CNNM3: variants seen among roughly 807,000 people sequenced by gnomAD.
CNNM3 encodes cyclin and CBS domain divalent metal cation transport mediator 3.
Under a neutral mutation model 57.1 loss-of-function variants are expected in CNNM3, and 47 were observed. The observed-to-expected ratio is 0.82, with a 90% CI of 0.65 to 1.05. The LOEUF (loss-of-function observed/expected upper bound fraction) is 1.05. Among genes scored for constraint, CNNM3 ranks in the 50% least tolerant of loss-of-function variants. The pLI is 0.00. For missense variants in CNNM3, 957 were observed against 973.7 expected (o/e 0.98, Z 0.23); for synonymous variants, 507 against 478.2 (o/e 1.06, Z -0.79).
At chr2:96,829,485 G>A (rs2079566175) in intron 7 of CNNM3, among the ~76,000 whole-genome samples, 1 of 151,690 alleles carries the variant, frequency 6.6e-6, no homozygotes, top group African/African-American at 2.4e-5. Context: ...ATTTTTAGTA[G>A]AGATGGGGTT....
Position 96,835,184 on chromosome 2 carries a change from A to G in CNNM3, c.*2568A>G, listed in dbSNP as rs1275522257. Among the ~76,000 whole-genome samples, 2 of 152,192 alleles carry G rather than the reference A, an allele frequency of 1.3e-5. No individual in the cohort carries two copies. Among genetic ancestry groups the G allele is most frequent in the Non-Finnish European group, 2.9e-5 (2 of 68,038 alleles). ...AAGAATGTTGTATAAATGGGAGCAT[A>G]GTGTGTAAGCATTCGGGATTGTCTT... On this transcript the variant is annotated 3_prime_UTR_variant, in exon 8 of 8. Coordinates refer to ENST00000305510, the MANE Select transcript of CNNM3 (RefSeq NM_017623.5).
intron 1 of CNNM3, 45 bp from the exon 2 acceptor site, chr2:96,825,013 G>T (rs745917156): frequency 1.3e-6 from 2 of 1,598,682 alleles, no homozygotes; most frequent in Admixed American, 1.7e-5. Context: ...GAATCAAACT[G>T]GGGGGGGCCC....
intron 1 of CNNM3, among the ~76,000 whole-genome samples, 191 bp downstream of exon 1, chr2:96,817,693 G>C (rs200367643): frequency 1.3e-5 from 2 of 151,840 alleles, no homozygotes; most frequent in Admixed American, 6.6e-5. Flanking sequence ...AAAGGCCATC[G>C]ATCAGAGTGG....
At chr2:96,824,769 G>T (rs1050216329) in intron 1 of CNNM3, 35 of 425,958 alleles carry the variant, frequency 8.2e-5, no homozygotes, top group Middle Eastern at 1.3e-3. Context: ...TGTCATGGAG[G>T]TGCACGGACC....
rs1419021763 is a variant in CNNM3 at position 96,816,498 on chromosome 2, G to A, written c.221G>A (p.Ser74Asn). The A allele has an allele frequency of 1.4e-6, 2 of 1,456,570 alleles. No homozygotes were observed. The highest frequency in any genetic ancestry group is 1.8e-6 in the Non-Finnish European group (2 of 1,104,910). 90.2% of individuals were successfully genotyped at this position (1,456,570 alleles called of 1,614,324 possible). The change falls in exon 1 of 8, where the codon AGC (serine) becomes AAC (asparagine). Residue 74 changes from serine to asparagine, a missense_variant. Coordinates refer to ENST00000305510, the MANE Select transcript of CNNM3 (RefSeq NM_017623.5). ...LRLFGPGFANSSWSWVAPEGA... is the reference protein window; with the variant it reads ...LRLFGPGFANNSWSWVAPEGA... ...CTCTTCGGCCCGGGCTTCGCCAACA[G>A]CTCTTGGTCCTGGGTGGCCCCGGAG...
In CNNM3 at chr2:96,834,409, A is replaced by T. The variant is rs2079656725; in HGVS notation, c.*1793A>T. Among the ~76,000 whole-genome samples the T allele has an allele frequency of 1.3e-5, 2 of 151,628 alleles. 1 individual carries two copies. The highest frequency in any genetic ancestry group is 4.2e-4 in the South Asian group (2 of 4,806). On this transcript the variant is annotated 3_prime_UTR_variant, in exon 8 of 8. Transcript: ENST00000305510. The stretch of plus-strand genomic sequence containing the variant: ...GCCCAGACTGGAGTGCAGTGGTGTG[A>T]TCACGGCTTGCTGCAGCCTCGACCT...
At chr2:96,818,797 T>A (rs1396230059) in intron 1 of CNNM3, among the ~76,000 whole-genome samples, 2 of 152,122 alleles carry the variant, frequency 1.3e-5, no homozygotes, top group Non-Finnish European at 2.9e-5. Flanking sequence ...AGGGTGAGGG[T>A]GGGAGCACCC....
intron 7 of CNNM3, among the ~76,000 whole-genome samples, chr2:96,830,185 G>A (rs144255922): frequency 1.3e-5 from 2 of 152,294 alleles, no homozygotes; most frequent in Non-Finnish European, 2.9e-5. Context: ...GCCTGAACTT[G>A]AGATTCCTGG....
chr2:96,820,340 G>A (rs1022778302), intron 1 of CNNM3, among the ~76,000 whole-genome samples: 2 of 152,238 alleles, frequency 1.3e-5, no homozygotes, highest in African/African-American at 4.8e-5. Flanking sequence ...AGGGCCGGGC[G>A]TGGGGAGCAG....
rs578074872 is a variant in CNNM3, at chr2:96,835,001, A to G, written c.*2385A>G. 6.6e-6 allele frequency among the ~76,000 whole-genome samples: 1 copy of G among 152,292 alleles called. No homozygotes were observed. The highest frequency in any genetic ancestry group is 2.4e-5 in the African/African-American group (1 of 41,546). On this transcript the variant is annotated 3_prime_UTR_variant, in exon 8 of 8. Transcript: ENST00000305510. ...CAACAAAGACTCTGACACTGGTGCG[A>G]TGTGGGTGGACAGTCCAAATCATTT...
chr2:96,825,316 G>A (rs909567043), intron 2 of CNNM3, 115 bp downstream of exon 2: 37 of 1,317,662 alleles, frequency 2.8e-5, no homozygotes, highest in Non-Finnish European at 3.7e-5. Flanking sequence ...AAGATCCACA[G>A]CCAGGCCCCC....
At chr2:96,836,120 G>T (rs1371177865), downstream of CNNM3, among the ~76,000 whole-genome samples, 11 of 110,186 alleles carry the variant, frequency 1.0e-4, no homozygotes, top group African/African-American at 4.1e-4. Context: ...GTCTCACTTT[G>T]TCACCCATGG....
chr2:96,827,983 G>A, intron 4 of CNNM3, 83 bp downstream of exon 4: 3 of 1,565,640 alleles, frequency 1.9e-6, no homozygotes, highest in Non-Finnish European at 2.6e-6. Flanking sequence ...GCAGGGGCAT[G>A]CGGATATGCA....
intron 2 of CNNM3, 144 bp from the exon 3 acceptor site, chr2:96,826,689 A>T: frequency 1.1e-6 from 1 of 912,726 alleles, no homozygotes; most frequent in Non-Finnish European, 1.7e-6. Context: ...AGCGGTGCTG[A>T]GGACATGTCC....
chr2:96,817,583 C>A, intron 1 of CNNM3, 81 bp downstream of exon 1: 1 of 1,393,572 alleles, frequency 7.2e-7, no homozygotes, highest in South Asian at 1.3e-5. Flanking sequence ...TGGAAGCCTT[C>A]TGGAAAGGGT....
chr2:96,835,746 C>T (rs1209699463), downstream of CNNM3, among the ~76,000 whole-genome samples: 4 of 152,166 alleles, frequency 2.6e-5, no homozygotes, highest in African/African-American at 4.8e-5. Flanking sequence ...GGATTACAGG[C>T]GTGAGCCACC....
intron 3 of CNNM3, 66 bp from the exon 4 acceptor site, chr2:96,827,665 G>T: frequency 6.6e-7 from 1 of 1,520,544 alleles, no homozygotes; most frequent in South Asian, 1.2e-5. Context: ...TGCCTACAGT[G>T]TTGGGTGTGG....
At chr2:96,827,528 A>C (rs943355297) in intron 3 of CNNM3, among the ~76,000 whole-genome samples, 13 of 152,150 alleles carry the variant, frequency 8.5e-5, no homozygotes, top group African/African-American at 3.1e-4. Context: ...TCAGCCTCCG[A>C]AAGTGTTGGG....
rs749741199 is a variant in CNNM3, at chr2:96,817,187, C to A, written c.910C>A (p.Leu304Ile). ...ARGGGDPYSDLSKGVLRCRTV... is the reference protein window; with the variant it reads ...ARGGGDPYSDISKGVLRCRTV... ...CGGCGGCGGCGACCCCTACAGCGAT[C>A]TCAGCAAGGGCGTGCTGCGCTGCCG... Residue 304 changes from leucine to isoleucine, a missense_variant, in exon 1 of 8, where the codon CTC becomes ATC. Around this residue, in one of 2 missense-constraint regions of CNNM3, gnomAD observed 491 missense variants for 570.6 expected, o/e 0.86. Transcript: ENST00000305510. The A allele has an allele frequency of 8.3e-6, 13 of 1,558,224 alleles. No homozygotes were observed. Among genetic ancestry groups the A allele is most frequent in the Non-Finnish European group, 9.5e-6 (11 of 1,157,070 alleles).
Sources: gnomAD v4.1 joint callset for allele counts (sites outside exome capture counted in the v4.1 genomes callset) on GRCh38, gnomAD v4.1.1 for gene constraint, gnomAD v4.1.1 regional missense constraint, MANE v1.5 for transcripts, NCBI Gene and HGNC (gene_info 2026-07-23, HGNC 2026-07-21) for gene names.